The following GDF1 variants were observed in gnomAD, a reference collection of about 807,000 sequenced individuals.
GDF1 encodes embryonic growth/differentiation factor 1.
In GDF1, 8 loss-of-function variants were observed where a neutral mutation model predicts 7.4. The observed-to-expected ratio is 1.09, with a 90% CI of 0.64 to 1.96. The LOEUF is 1.96. Ranked by LOEUF, GDF1 falls within the 30% of genes most tolerant of loss-of-function variation. The pLI, the probability that GDF1 is intolerant of heterozygous loss-of-function variation, is 0.00. For missense variants in GDF1, 574 were observed against 551.5 expected, an observed-to-expected ratio of 1.04 and a Z score of -0.41; for synonymous variants, 311 against 276.7, an observed-to-expected ratio of 1.12 and a Z score of -1.23.
intron 2 of GDF1, among the ~76,000 whole-genome samples, chr19:18,885,761 C>A (rs984925364): frequency 6.6e-6 from 1 of 151,768 alleles, no homozygotes; most frequent in Non-Finnish European, 1.5e-5. Context: ...CCTTGTGATC[C>A]GCCCGCCTCG....
chr19:18,878,205 G>T lies in GDF1; in HGVS notation c.-313+725C>A. 5 of 985,536 alleles carry T rather than the reference G, an allele frequency of 5.1e-6. No homozygotes were observed. The highest frequency in any genetic ancestry group is 4.8e-6 in the Non-Finnish European group (4 of 830,072). The allele number at this position is 985,536 out of a possible 1,614,324, so 61.0% of individuals were successfully genotyped here. A position where few individuals can be genotyped will look rare whatever the true frequency, so the allele number is the denominator to read the frequency against. ...TCCACAACCTCCTGCCCCGGCTCCT[G>T]CTCAAACACTCCTCACGTTGCCTAT... On this transcript the variant is annotated intron_variant, in intron 6 of 7. Transcript: ENST00000247005. The surrounding 1 kb of genome is among the most constrained non-coding windows in gnomAD (Gnocchi z 4.6).
chr19:18,883,460 G>C (rs535972282), intron 3 of GDF1: 1 of 152,278 alleles, frequency 6.6e-6, no homozygotes, highest in African/African-American at 2.4e-5. Flanking sequence ...TTGAGCCCAG[G>C]AGGTCCAGGC....
intron 2 of GDF1, among the ~76,000 whole-genome samples, chr19:18,886,405 CG>C (rs1438667070): frequency 6.6e-6 from 1 of 152,074 alleles, no homozygotes; most frequent in Non-Finnish European, 1.5e-5. Context: ...AAAAATTAGC[CG>C]GGTGTGGTGG....
intron 7 of GDF1, 100 bp from the exon 8 acceptor site, chr19:18,869,490 G>A: frequency 7.0e-7 from 1 of 1,434,864 alleles, no homozygotes; most frequent in Non-Finnish European, 9.2e-7. Flanking sequence ...TGGGGCTCGG[G>A]GCGCACCGTC....
In GDF1 at chr19:18,880,386, C is replaced by T. The variant is rs762521568; in HGVS notation, c.-683G>A. 3 of 1,582,994 alleles carry T rather than the reference C, an allele frequency of 1.9e-6. No individual in the cohort carries two copies. Among genetic ancestry groups the T allele is most frequent in the Admixed American group, 1.8e-5 (1 of 55,088 alleles). On this transcript the variant is annotated 5_prime_UTR_variant, in exon 4 of 8. The change creates a new upstream start codon in the 5' untranslated region. Coordinates refer to ENST00000247005, the MANE Select transcript of GDF1 (RefSeq NM_001492.6). Reference sequence around the variant, plus strand: ...TTGAGCTTGGTGAACTCAAGCTGCACGTCACTGATATCGTGCAGGAAGAGC... The same window carrying T: ...TTGAGCTTGGTGAACTCAAGCTGCATGTCACTGATATCGTGCAGGAAGAGC...
At position 18,893,574 on chromosome 19, in the gene GDF1, G is replaced by T. The variant is rs753399642; in HGVS notation, c.-1072C>A. ...CTGGAGGCAGCACCGCTTCGCCAGG[G>T]GCTATGGGGGAGAAGACAGGCGGGC... On this transcript the variant is annotated splice_region_variant and 5_prime_UTR_variant, in exon 2 of 8. Transcript: ENST00000247005. 2 of 1,607,152 alleles carry T rather than the reference G, an allele frequency of 1.2e-6. No individual in the cohort carries two copies. The highest frequency in any genetic ancestry group is 1.7e-5 in the Admixed American group (1 of 59,140).
chr19:18,872,251 T>C (rs969534125), intron 6 of GDF1, among the ~76,000 whole-genome samples: 8 of 152,264 alleles, frequency 5.3e-5, no homozygotes, highest in Non-Finnish European at 1.2e-4. Context: ...AAGTGTTCTC[T>C]ACCCACTCAG....
chr19:18,895,022 C>CATGGTCACTCTCTCGCAGGGGCG lies in GDF1; in HGVS notation c.-1074+779_-1074+801dup, dbSNP rs2056591225. Among the ~76,000 whole-genome samples, 2 of 152,222 alleles carry CATGGTCACTCTCTCGCAGGGGCG rather than the reference C, an allele frequency of 1.3e-5. No individual in the cohort carries two copies. Among genetic ancestry groups the CATGGTCACTCTCTCGCAGGGGCG allele is most frequent in the Non-Finnish European group, 1.5e-5 (1 of 68,038 alleles). On this transcript the variant is annotated intron_variant, in intron 1 of 7. Transcript: ENST00000247005. The surrounding 1 kb of genome is among the most constrained non-coding windows in gnomAD (Gnocchi z 6.4). Reference sequence around the variant, plus strand: ...TGGGGTCAGGCGCCAATGTCACCATCATGGTCACTCTCTCGCAGGGGCGAT... The same window carrying CATGGTCACTCTCTCGCAGGGGCG: ...TGGGGTCAGGCGCCAATGTCACCATCATGGTCACTCTCTCGCAGGGGCGATGGTCACTCTCTCGCAGGGGCGAT...
At chr19:18,894,297 C>T (rs1310935168) in intron 1 of GDF1, among the ~76,000 whole-genome samples, 1 of 152,014 alleles carries the variant, frequency 6.6e-6, no homozygotes, top group African/African-American at 2.4e-5. Flanking sequence ...GGCCAAGCCC[C>T]ACCCCTGGAC....
rs141568328 is a variant in GDF1, at chr19:18,872,200, T to C, written c.-312-1581A>G. Among the ~76,000 whole-genome samples the C allele has an allele frequency of 6.8e-3, 1,034 of 152,338 alleles. 11 individuals carry two copies. Among genetic ancestry groups the C allele is most frequent in the Non-Finnish European group, 0.011 (738 of 68,020 alleles). On this transcript the variant is annotated intron_variant, in intron 6 of 7. Transcript: ENST00000247005. ...CCGCCCTGGGGCTTTTTATCAGAGC[T>C]TTCCTGCTGATTCTTGTTTGTTTTT...
intron 6 of GDF1, among the ~76,000 whole-genome samples, chr19:18,875,332 G>A (rs2056042126): frequency 6.6e-6 from 1 of 151,846 alleles, no homozygotes; most frequent in African/African-American, 2.4e-5. Context: ...GAACACTTGA[G>A]GTCAGGAGTT....
chr19:18,870,017 G>A lies in GDF1; in HGVS notation c.291C>T (p.Val97=). The A allele has an allele frequency of 6.3e-7, 1 of 1,596,872 alleles. No homozygotes were observed. The highest frequency in any genetic ancestry group is 8.5e-7 in the Non-Finnish European group (1 of 1,173,762). The part of the protein sequence containing the change: ...LQPCHVEELG[V]AGNIVRHIPD... Reference sequence around the variant, plus strand: ...GGATGTGGCGCACGATGTTTCCGGCGACCCCCAGCTCCTCCACGTGGCACG... The same window carrying A: ...GGATGTGGCGCACGATGTTTCCGGCAACCCCCAGCTCCTCCACGTGGCACG... Residue 97 remains valine (V), a synonymous_variant, in exon 7 of 8, where the codon GTC becomes GTT. Coordinates refer to ENST00000247005, the MANE Select transcript of GDF1 (RefSeq NM_001492.6). This position sits in a 1 kb window ranked among gnomAD's most constrained non-coding sequence, Gnocchi z 5.1.
In GDF1 at chr19:18,878,145, C is replaced by G; in HGVS notation, c.-313+785G>C. 1.0e-6 allele frequency: 1 copy of G among 985,550 alleles called. No individual in the cohort carries two copies. The highest frequency in any genetic ancestry group is 5.2e-4 in the Middle Eastern group (1 of 1,914). The allele number at this position is 985,550 out of a possible 1,614,324, so 61.1% of individuals were successfully genotyped here. A position where few individuals can be genotyped will look rare whatever the true frequency, so the allele number is the denominator to read the frequency against. On this transcript the variant is annotated intron_variant, in intron 6 of 7. Transcript: ENST00000247005. This position sits in a 1 kb window ranked among gnomAD's most constrained non-coding sequence, Gnocchi z 4.6. ...CACCGATGGCCCCCACCGGCCAAAT[C>G]AGAGGGCCTGGCTGGTCGGCACCTT...
intron 2 of GDF1, 149 bp from the exon 3 acceptor site, chr19:18,884,416 T>TC: frequency 3.0e-6 from 2 of 671,762 alleles, no homozygotes; most frequent in Admixed American, 3.2e-5. Context: ...TTCCCAATTC[T>TC]ATTTTTTTTT....
Position 18,869,049 on chromosome 19 carries a change from C to A in GDF1, c.667G>T (p.Ala223Ser), listed in dbSNP as rs1161508110. Residue 223 changes from alanine (A) to serine (S), a missense_variant, in exon 8 of 8, where the codon GCC becomes TCC. Transcript: ENST00000247005. ...GCCAGGCGCGCGCAGGCGGCAGGGGCCCGGGGGCGTAGCGCCAGCGCCAGG... is the reference window on the plus strand; with the variant it reads ...GCCAGGCGCGCGCAGGCGGCAGGGGACCGGGGGCGTAGCGCCAGCGCCAGG... ...LRLALALRPR[A>S]PAACARLAEA... 1.9e-6 allele frequency: 2 copies of A among 1,065,606 alleles called. No individual in the cohort carries two copies. The highest frequency in any genetic ancestry group is 2.3e-6 in the Non-Finnish European group (2 of 882,784). 66.0% of individuals were successfully genotyped at this position (1,065,606 alleles called of 1,614,324 possible).
At chr19:18,883,613 G>C (rs1301065594) in intron 3 of GDF1, among the ~76,000 whole-genome samples, 1 of 152,190 alleles carries the variant, frequency 6.6e-6, no homozygotes, top group Non-Finnish European at 1.5e-5. Context: ...AAGCCGGGTG[G>C]GTTTTATGCA....
At chr19:18,872,042 T>C (rs1024380214) in intron 6 of GDF1, among the ~76,000 whole-genome samples, 1 of 152,240 alleles carries the variant, frequency 6.6e-6, no homozygotes, top group Non-Finnish European at 1.5e-5. Flanking sequence ...GTGCTTTCCA[T>C]TCCTGCCCTC....
At chr19:18,869,900 C>T (rs2055933880) in intron 7 of GDF1, 83 bp downstream of exon 7, 3 of 1,379,062 alleles carry the variant, frequency 2.2e-6, no homozygotes, top group South Asian at 2.5e-5. Flanking sequence ...CGGAGCTGCT[C>T]GGGCATCCCC....
At chr19:18,885,309 T>C (rs2146037191) in intron 2 of GDF1, among the ~76,000 whole-genome samples, 1 of 152,148 alleles carries the variant, frequency 6.6e-6, no homozygotes, top group South Asian at 2.1e-4. Context: ...CAAGTGATCC[T>C]CCCACCTCAG....
Sources: gnomAD v4.1 joint callset for allele counts (sites outside exome capture counted in the v4.1 genomes callset) on GRCh38, gnomAD v4.1.1 for gene constraint, Gnocchi (gnomAD v3.1) non-coding constraint, MANE v1.5 for transcripts, NCBI Gene and HGNC (gene_info 2026-07-23, HGNC 2026-07-21) for gene names.